Variants in LRRTM4 observed in about 807,000 individuals in gnomAD.
LRRTM4 encodes the protein leucine rich repeat transmembrane neuronal 4, also known as leucine-rich repeat transmembrane neuronal protein 4.
Under a neutral mutation model 47.6 loss-of-function variants are expected in LRRTM4, and 25 were observed. That is an observed-to-expected ratio of 0.53 (90% confidence interval 0.38 to 0.73). The LOEUF is 0.73. LRRTM4 is among the 30% of genes least tolerant of loss of function. LRRTM4 has a pLI of 0.00. For synonymous variants in LRRTM4, 311 were observed against 269.5 expected (o/e 1.15, Z -1.51); for missense variants, 638 against 713.4 (o/e 0.89, Z 1.20).
intron 3 of LRRTM4, among the ~76,000 whole-genome samples, chr2:76,870,585 T>C (rs1345191989): frequency 6.6e-6 from 1 of 152,180 alleles, no homozygotes; most frequent in East Asian, 1.9e-4. Flanking sequence ...CTTGATTCTA[T>C]TGCTACACAG....
chr2:77,130,957 C>T (rs1481050962), intron 3 of LRRTM4, among the ~76,000 whole-genome samples: 5 of 140,102 alleles, frequency 3.6e-5, no homozygotes, highest in African/African-American at 1.3e-4. Flanking sequence ...GCCTCAGCCT[C>T]CCAAGTAGCT....
chr2:77,265,156 G>T (rs1264828849), intron 3 of LRRTM4, among the ~76,000 whole-genome samples: 1 of 151,972 alleles, frequency 6.6e-6, no homozygotes, highest in Non-Finnish European at 1.5e-5. Context: ...TATAAAAGGT[G>T]ATTTTATCTA....
At position 77,292,993 on chromosome 2, in the gene LRRTM4, A is replaced by C. The variant is rs537391653; in HGVS notation, c.1551+225325T>G. The stretch of plus-strand genomic sequence containing the variant: ...CTAAAACTTAAAGTATAATAATAAA[A>C]AAATATATATACCATATTGTGTCAA... On this transcript the variant is annotated intron_variant, in intron 3 of 3. Transcript: ENST00000409884. Among the ~76,000 whole-genome samples the C allele has an allele frequency of 1.6e-4, 24 of 151,978 alleles. No individual in the cohort carries two copies. In the South Asian group the frequency reaches 4.4e-3, roughly 28 times the overall value.
chr2:77,512,173 C>A (rs1330875089), intron 3 of LRRTM4, among the ~76,000 whole-genome samples: 7 of 152,092 alleles, frequency 4.6e-5, no homozygotes, highest in Non-Finnish European at 5.9e-5. Context: ...ATTTTAATTT[C>A]TCTTGGCAGT....
chr2:77,217,349 TATTA>T (rs1179525467), intron 3 of LRRTM4, among the ~76,000 whole-genome samples: 1 of 18,978 alleles, frequency 5.3e-5, no homozygotes, highest in African/African-American at 5.5e-4. Flanking sequence ...AATTTAATTA[TATTA>T]ATTAATTATA....
intron 3 of LRRTM4, among the ~76,000 whole-genome samples, chr2:76,841,933 G>A (rs115561112): frequency 0.011 from 1,660 of 152,258 alleles, 28 homozygotes; most frequent in African/African-American, 0.036. Flanking sequence ...CACATGCGCT[G>A]CTCATAGAAG....
chr2:77,134,777 CA>C (rs1038815975), intron 3 of LRRTM4, among the ~76,000 whole-genome samples: 2 of 151,308 alleles, frequency 1.3e-5, no homozygotes, highest in East Asian at 3.9e-4. Context: ...CTTTCATGTG[CA>C]AAAAAAGGGG....
chr2:77,066,231 A>C (rs1573521994), intron 3 of LRRTM4, among the ~76,000 whole-genome samples: 1 of 151,202 alleles, frequency 6.6e-6, no homozygotes, highest in Admixed American at 6.6e-5. Context: ...TCAATATAGT[A>C]CGTAGGTTTT....
At chr2:77,500,911 T>G (rs1351302704) in intron 3 of LRRTM4, among the ~76,000 whole-genome samples, 3 of 151,362 alleles carry the variant, frequency 2.0e-5, no homozygotes, top group Non-Finnish European at 4.4e-5. Context: ...AACAAATAAT[T>G]CCAGAAGCAT....
chr2:77,146,412 A>G (rs1672262683), intron 3 of LRRTM4, among the ~76,000 whole-genome samples: 1 of 152,172 alleles, frequency 6.6e-6, no homozygotes, highest in Non-Finnish European at 1.5e-5. Flanking sequence ...CAGAGACACT[A>G]GAAATATGAT....
intron 3 of LRRTM4, among the ~76,000 whole-genome samples, chr2:77,177,271 TG>T (rs1356518328): frequency 6.6e-6 from 1 of 152,186 alleles, no homozygotes; most frequent in Non-Finnish European, 1.5e-5. Context: ...ACCCCAGTTT[TG>T]GGGTTCACCC....
intron 3 of LRRTM4, among the ~76,000 whole-genome samples, chr2:77,070,087 A>G (rs565758122): frequency 1.2e-4 from 18 of 152,232 alleles, no homozygotes; most frequent in African/African-American, 3.6e-4. Context: ...GAGGCTATGA[A>G]TGAGCTATCG....
intron 3 of LRRTM4, among the ~76,000 whole-genome samples, chr2:77,460,860 G>A (rs1287692651): frequency 2.6e-5 from 4 of 152,172 alleles, no homozygotes; most frequent in East Asian, 3.9e-4. Flanking sequence ...AATAAGGCAG[G>A]TGCATGTCAG....
chr2:77,251,305 A>G (rs1675609847), intron 3 of LRRTM4, among the ~76,000 whole-genome samples: 1 of 150,968 alleles, frequency 6.6e-6, no homozygotes, highest in African/African-American at 2.4e-5. Flanking sequence ...TTAGCCACAA[A>G]TTTTGAATTA....
chr2:76,910,448 A>T (rs971844822), intron 3 of LRRTM4, among the ~76,000 whole-genome samples: 1 of 152,026 alleles, frequency 6.6e-6, no homozygotes, highest in Non-Finnish European at 1.5e-5. Flanking sequence ...TATACATATG[A>T]AACTAACCTG....
chr2:77,473,621 G>C (rs1191784753), intron 3 of LRRTM4, among the ~76,000 whole-genome samples: 1 of 152,066 alleles, frequency 6.6e-6, no homozygotes, highest in Non-Finnish European at 1.5e-5. Flanking sequence ...TTGAGCTTTA[G>C]TTTTTGCCTC....
intron 3 of LRRTM4, among the ~76,000 whole-genome samples, chr2:77,269,844 G>GT (rs1490188810): frequency 6.6e-6 from 1 of 152,130 alleles, no homozygotes; most frequent in Admixed American, 6.6e-5. Context: ...TTTATCCTTG[G>GT]TAACAGTGAT....
chr2:77,402,015 C>A (rs1230726561), intron 3 of LRRTM4, among the ~76,000 whole-genome samples: 1 of 151,940 alleles, frequency 6.6e-6, no homozygotes, highest in Non-Finnish European at 1.5e-5. Context: ...TTTCTTTGTA[C>A]ATATAAATAT....
In LRRTM4 at chr2:77,457,004, G is replaced by GTATATATATA. The variant is rs1171771344; in HGVS notation, c.1551+61304_1551+61313dup. ...TATATATTAGTGTATGTGTGTGTGT[G>GTATATATATA]TATATATATATATATATATATATAT... On this transcript the variant is annotated intron_variant, in intron 3 of 3. Coordinates refer to ENST00000409884, the MANE Select transcript of LRRTM4 (RefSeq NM_001134745.3). Among the ~76,000 whole-genome samples, 70 of 23,070 alleles carry GTATATATATA rather than the reference G, an allele frequency of 3.0e-3. 1 individual carries two copies. Among genetic ancestry groups the GTATATATATA allele is most frequent in the Admixed American group, 0.013 (27 of 2,150 alleles). 15.1% of individuals were successfully genotyped at this position (23,070 alleles called of 152,430 possible).
Sources: allele counts gnomAD v4.1 joint callset (sites outside exome capture counted in the v4.1 genomes callset), GRCh38; gene constraint gnomAD v4.1.1; transcripts MANE v1.5; gene names NCBI Gene and HGNC (gene_info 2026-07-23, HGNC 2026-07-21).